NRXN3: variants seen among roughly 807,000 people sequenced by gnomAD.
NRXN3 encodes neurexin III.
A neutral mutation model predicts 137.6 loss-of-function variants in NRXN3; 32 were observed. That is an observed-to-expected ratio of 0.23 (90% CI 0.18 to 0.31). NRXN3 has a LOEUF of 0.31. NRXN3 is among the 10% of genes least tolerant of loss of function. The probability of loss-of-function intolerance (pLI) is 1.00; values close to 1 mark genes in which losing one functional copy is unlikely to be tolerated. For synonymous variants in NRXN3, 798 were observed against 784.5 expected, an observed-to-expected ratio of 1.02 and a Z score of -0.29; for missense variants, 1,574 against 2,062.5, an observed-to-expected ratio of 0.76 and a Z score of 4.59.
intron 15 of NRXN3, among the ~76,000 whole-genome samples, chr14:79,418,056 A>G (rs1012322154): frequency 6.6e-6 from 1 of 152,136 alleles, no homozygotes; most frequent in Non-Finnish European, 1.5e-5. Flanking sequence ...TCTGCTCATG[A>G]GTTAAACCAA....
intron 19 of NRXN3, among the ~76,000 whole-genome samples, chr14:79,760,102 A>T (rs562224361): frequency 6.6e-6 from 1 of 151,802 alleles, no homozygotes; most frequent in Non-Finnish European, 1.5e-5. Flanking sequence ...TAAATTTCCA[A>T]CTGAGTACAT....
At chr14:79,324,502 G>T (rs141114072) in intron 15 of NRXN3, among the ~76,000 whole-genome samples, 101 of 152,288 alleles carry the variant, frequency 6.6e-4, no homozygotes, top group Middle Eastern at 6.8e-3. Context: ...ATCAAATAGA[G>T]AGGCTTGTGA....
chr14:79,289,751 G>A (rs778577763), intron 15 of NRXN3, among the ~76,000 whole-genome samples: 12 of 152,140 alleles, frequency 7.9e-5, no homozygotes, highest in Non-Finnish European at 1.5e-4. Context: ...GCTCAGATTC[G>A]GGGTTCTGTG....
At chr14:79,663,634 T>G in intron 16 of NRXN3, 144 bp from the exon 17 acceptor site, 1 of 694,280 alleles carries the variant, frequency 1.4e-6, no homozygotes, top group Non-Finnish European at 2.4e-6. Flanking sequence ...CATGGAGAAA[T>G]GTAGAATGCT....
At chr14:78,897,662 T>C (rs564171545) in intron 10 of NRXN3, among the ~76,000 whole-genome samples, 2 of 152,038 alleles carry the variant, frequency 1.3e-5, no homozygotes, top group East Asian at 1.9e-4. Flanking sequence ...CCACCTCCAC[T>C]CTGTCCTGGC....
intron 16 of NRXN3, among the ~76,000 whole-genome samples, chr14:79,617,916 G>GAAAAAAAAAAAAAAAAAA (rs2098175722): frequency 1.6e-5 from 1 of 64,338 alleles, no homozygotes; most frequent in African/African-American, 2.5e-4. Flanking sequence ...CTGAATAGCA[G>GAAAAAAAAAAAAAAAAAA]CAAAAAAAAA....
In NRXN3 at chr14:78,281,951, A is replaced by G. The variant is rs145000177; in HGVS notation, c.727+3289A>G. 7.1e-3 allele frequency among the ~76,000 whole-genome samples: 1,086 copies of G among 152,222 alleles called. 11 individuals carry two copies. Among genetic ancestry groups the G allele is most frequent in the African/African-American group, 0.025 (1,027 of 41,522 alleles). Reference sequence around the variant, plus strand: ...CCCAGCTCTTTGCACAGCACATGGCACAGAGCTTAACCTCAAAAATCTCTA... The same window carrying G: ...CCCAGCTCTTTGCACAGCACATGGCGCAGAGCTTAACCTCAAAAATCTCTA... On this transcript the variant is annotated intron_variant, in intron 3 of 20. Coordinates refer to ENST00000335750, the MANE Select transcript of NRXN3 (RefSeq NM_001330195.2).
chr14:79,822,961 T>G (rs2099277307), intron 20 of NRXN3, among the ~76,000 whole-genome samples: 1 of 152,162 alleles, frequency 6.6e-6, no homozygotes, highest in Admixed American at 6.5e-5. Context: ...TATAAAAAAG[T>G]CTCTGTGCTA....
intron 2 of NRXN3, among the ~76,000 whole-genome samples, chr14:78,257,290 T>C (rs1390930425): frequency 3.9e-5 from 6 of 152,256 alleles, no homozygotes; most frequent in African/African-American, 1.2e-4. Context: ...TTTATTGGAA[T>C]AAGTTTATTC....
At chr14:79,562,295 G>C (rs78068980) in intron 16 of NRXN3, among the ~76,000 whole-genome samples, 1 of 152,058 alleles carries the variant, frequency 6.6e-6, no homozygotes, top group Non-Finnish European at 1.5e-5. Flanking sequence ...CCTATTTTTC[G>C]AGTAGGATGC....
At chr14:78,849,726 G>C (rs955895792) in intron 10 of NRXN3, among the ~76,000 whole-genome samples, 1 of 151,464 alleles carries the variant, frequency 6.6e-6, no homozygotes, top group Non-Finnish European at 1.5e-5. Context: ...GTAGGGTGCA[G>C]GGTGGAAAGA....
At chr14:78,955,465 G>T (rs1177062849) in intron 10 of NRXN3, among the ~76,000 whole-genome samples, 2 of 152,128 alleles carry the variant, frequency 1.3e-5, no homozygotes, top group Non-Finnish European at 2.9e-5. Flanking sequence ...TACAAAGCAA[G>T]ATAAGCTGAG....
At chr14:79,598,582 C>T (rs527893246) in intron 16 of NRXN3, among the ~76,000 whole-genome samples, 81 of 152,286 alleles carry the variant, frequency 5.3e-4, no homozygotes, top group East Asian at 2.3e-3. Flanking sequence ...GTGGAAGCTC[C>T]GCTATCCACA....
rs150469777 is a variant in NRXN3, at chr14:79,295,271, T to A, written c.3263-171950T>A. ...TGGGATGTTTTCATCCAGATTGCCG[T>A]ATGGCCACTCCTTCTTCTTATACGT... On this transcript the variant is annotated intron_variant, in intron 15 of 20. Coordinates refer to ENST00000335750, the MANE Select transcript of NRXN3 (RefSeq NM_001330195.2). Among the ~76,000 whole-genome samples the A allele has an allele frequency of 6.0e-3, 908 of 152,252 alleles. 10 individuals carry two copies. Among genetic ancestry groups the A allele is most frequent in the African/African-American group, 0.021 (867 of 41,552 alleles).
At chr14:79,323,843 G>C (rs1159194445) in intron 15 of NRXN3, among the ~76,000 whole-genome samples, 1 of 152,006 alleles carries the variant, frequency 6.6e-6, no homozygotes, top group Non-Finnish European at 1.5e-5. Flanking sequence ...GGGCAACAGA[G>C]TGAGACTTCA....
chr14:78,301,863 G>A (rs1327889730), intron 4 of NRXN3, among the ~76,000 whole-genome samples: 1 of 152,216 alleles, frequency 6.6e-6, no homozygotes, highest in Non-Finnish European at 1.5e-5. Flanking sequence ...GGGGTTGGTT[G>A]ATTGCCTGTT....
chr14:79,690,336 C>T (rs2098711804), intron 17 of NRXN3, among the ~76,000 whole-genome samples: 1 of 152,112 alleles, frequency 6.6e-6, no homozygotes, highest in Non-Finnish European at 1.5e-5. Flanking sequence ...TAATCGATAG[C>T]TATATTCTTT....
Position 79,394,248 on chromosome 14 carries a change from G to A in NRXN3, c.3263-72973G>A, listed in dbSNP as rs184395292. ...CTGAGCTTTGTTCTGGGGCTGGAAG[G>A]AAGTGCAAATAACAATGATGATAAT... On this transcript the variant is annotated intron_variant, in intron 15 of 20. Coordinates refer to ENST00000335750, the MANE Select transcript of NRXN3 (RefSeq NM_001330195.2). Among the ~76,000 whole-genome samples the A allele has an allele frequency of 3.9e-5, 6 of 152,306 alleles. No homozygotes were observed. In the East Asian group the frequency reaches 1.2e-3, roughly 29 times the overall value.
At chr14:78,723,048 A>G (rs1204218993) in intron 8 of NRXN3, among the ~76,000 whole-genome samples, 1 of 152,132 alleles carries the variant, frequency 6.6e-6, no homozygotes, top group Non-Finnish European at 1.5e-5. Flanking sequence ...GAGGGATTTG[A>G]GGGGAAGTTT....
Sources: gnomAD v4.1 joint callset for allele counts (sites outside exome capture counted in the v4.1 genomes callset) on GRCh38, gnomAD v4.1.1 for gene constraint, MANE v1.5 for transcripts, NCBI Gene and HGNC (gene_info 2026-07-23, HGNC 2026-07-21) for gene names.